The following CCDC3 variants were observed in gnomAD, a reference collection of about 807,000 sequenced individuals.
The protein encoded by CCDC3 is coiled-coil domain containing 3.
In CCDC3, 24 loss-of-function variants were observed where a neutral mutation model predicts 21.4. The observed-to-expected ratio is 1.12, with a 90% CI of 0.81 to 1.58. The LOEUF (loss-of-function observed/expected upper bound fraction) is 1.58, where lower values mean the gene tolerates loss of function less well. Among genes scored for constraint, CCDC3 ranks in the 40% most tolerant of loss-of-function variants. The pLI is 0.00. For missense variants in CCDC3, 425 were observed against 360.9 expected, an observed-to-expected ratio of 1.18 and a Z score of -1.44; for synonymous variants, 186 against 166.0, an observed-to-expected ratio of 1.12 and a Z score of -0.93.
At chr10:13,075,441 T>G (rs978916642) in intron 3 of CCDC3, among the ~76,000 whole-genome samples, 1 of 64,662 alleles carries the variant, frequency 1.5e-5, no homozygotes, top group African/African-American at 6.3e-5. Context: ...ACACGTTTGT[T>G]TTTTTGTTTT....
At chr10:13,061,387 G>T (rs986596850) in intron 4 of CCDC3, among the ~76,000 whole-genome samples, 1 of 152,174 alleles carries the variant, frequency 6.6e-6, no homozygotes, top group Admixed American at 6.5e-5. Context: ...ATTACATGAC[G>T]CAGCCTCATC....
At chr10:12,973,181 T>C (rs1039742334) in intron 2 of CCDC3, among the ~76,000 whole-genome samples, 2 of 152,128 alleles carry the variant, frequency 1.3e-5, no homozygotes, top group African/African-American at 4.8e-5. Context: ...AGGGCTCTAC[T>C]GTCAAAAAGT....
At chr10:13,073,257 C>T (rs1382611550) in intron 4 of CCDC3, among the ~76,000 whole-genome samples, 2 of 152,166 alleles carry the variant, frequency 1.3e-5, no homozygotes, top group East Asian at 1.9e-4. Context: ...GATTCTTAGT[C>T]TTCTCTTTGG....
chr10:12,973,199 T>C (rs1217036967), intron 2 of CCDC3, among the ~76,000 whole-genome samples: 1 of 152,130 alleles, frequency 6.6e-6, no homozygotes, highest in African/African-American at 2.4e-5. Flanking sequence ...AGTAGTCTGA[T>C]GGATTACAGG....
intron 2 of CCDC3, among the ~76,000 whole-genome samples, chr10:12,918,517 T>C (rs1017099605): frequency 6.6e-6 from 1 of 152,214 alleles, no homozygotes; most frequent in Non-Finnish European, 1.5e-5. Context: ...CATAAAATGT[T>C]ATGCTTCATT....
At chr10:12,904,216 C>G (rs938332874) in intron 2 of CCDC3, among the ~76,000 whole-genome samples, 1 of 152,016 alleles carries the variant, frequency 6.6e-6, no homozygotes, top group African/African-American at 2.4e-5. Flanking sequence ...CCTGTAATCC[C>G]AGCACTTTGC....
At chr10:13,046,208 C>T (rs1216188078) in intron 5 of CCDC3, among the ~76,000 whole-genome samples, 2 of 151,864 alleles carry the variant, frequency 1.3e-5, no homozygotes, top group East Asian at 1.9e-4. Context: ...GAGTTAGAGA[C>T]CAGCTTGGGC....
chr10:13,046,678 G>A (rs1446831175), intron 5 of CCDC3, among the ~76,000 whole-genome samples: 5 of 146,996 alleles, frequency 3.4e-5, no homozygotes, highest in African/African-American at 5.1e-5. Context: ...TTGCACTCCC[G>A]CCTGGGCAAC....
chr10:13,050,009 G>T, intron 4 of CCDC3: 1 of 152,184 alleles, frequency 6.6e-6, no homozygotes, highest in Non-Finnish European at 1.5e-5. Flanking sequence ...AACCCACAAT[G>T]TGACATAAAT....
At chr10:13,058,215 C>A in intron 4 of CCDC3, 1 of 1,279,632 alleles carries the variant, frequency 7.8e-7, no homozygotes, top group Admixed American at 1.7e-5. Context: ...TGATTGCCAG[C>A]GGTAGTTCTG....
At chr10:12,931,633 C>T (rs192297535) in intron 2 of CCDC3, among the ~76,000 whole-genome samples, 2 of 152,354 alleles carry the variant, frequency 1.3e-5, no homozygotes, top group East Asian at 1.9e-4. Context: ...AGAGTCATTC[C>T]TGCAGGTCAC....
chr10:13,096,592 T>C (rs1832631581), intron 3 of CCDC3, among the ~76,000 whole-genome samples: 1 of 152,188 alleles, frequency 6.6e-6, no homozygotes, highest in Non-Finnish European at 1.5e-5. Flanking sequence ...AGGAGGGCTT[T>C]TGGTACCCAT....
At chr10:12,933,454 C>CTTTT (rs545950029) in intron 2 of CCDC3, among the ~76,000 whole-genome samples, 9,428 of 115,096 alleles carry the variant, frequency 0.082, 357 homozygotes, top group South Asian at 0.13. Context: ...ATAATATTCC[C>CTTTT]TTTATTTTTT....
intron 5 of CCDC3, among the ~76,000 whole-genome samples, chr10:13,029,037 C>T (rs768658937): frequency 4.5e-4 from 68 of 152,282 alleles, no homozygotes; most frequent in Middle Eastern, 3.4e-3. Context: ...GCCTGTTCGG[C>T]CACTAAACAG....
chr10:12,921,521 TCTTTTTCAA>T (rs913862738), intron 2 of CCDC3, among the ~76,000 whole-genome samples: 18 of 152,340 alleles, frequency 1.2e-4, no homozygotes, highest in African/African-American at 4.3e-4. Flanking sequence ...CCAGGCCTTA[TCTTTTTCAA>T]CTTTTTCAAA....
chr10:13,036,092 C>T (rs935213415), intron 5 of CCDC3, among the ~76,000 whole-genome samples: 5 of 151,948 alleles, frequency 3.3e-5, no homozygotes, highest in East Asian at 3.9e-4. Context: ...CGCAGTGAGC[C>T]GAGATTGAGC....
chr10:12,947,826 G>T (rs1215115781), intron 2 of CCDC3, among the ~76,000 whole-genome samples: 1 of 152,210 alleles, frequency 6.6e-6, no homozygotes, highest in African/African-American at 2.4e-5. Context: ...AACGGGTCAG[G>T]TATTGTGCTA....
intron 2 of CCDC3, among the ~76,000 whole-genome samples, chr10:12,957,516 G>A (rs769049561): frequency 2.9e-4 from 44 of 152,222 alleles, no homozygotes; most frequent in Non-Finnish European, 4.7e-4. Flanking sequence ...GCAGTCTCAC[G>A]TGGAACTGCA....
intron 2 of CCDC3, among the ~76,000 whole-genome samples, chr10:12,947,508 C>A: frequency 6.6e-6 from 1 of 152,170 alleles, no homozygotes; most frequent in Non-Finnish European, 1.5e-5. Context: ...GTGTTGGGTG[C>A]TAAAAATACA....
Sources: gnomAD v4.1 joint callset for allele counts (sites outside exome capture counted in the v4.1 genomes callset) on GRCh38, gnomAD v4.1.1 for gene constraint, MANE v1.5 for transcripts, NCBI Gene and HGNC (gene_info 2026-07-23, HGNC 2026-07-21) for gene names.